CDK13: variants seen among roughly 807,000 people sequenced by gnomAD.
The protein encoded by CDK13 is cyclin dependent kinase 13, also known as cyclin-dependent kinase 13.
Under a neutral mutation model 137.6 loss-of-function variants are expected in CDK13, and 40 were observed. The ratio of observed to expected loss-of-function variants is 0.29; its 90% confidence interval spans 0.23 to 0.38. CDK13 has a LOEUF of 0.38. CDK13 is among the 10% of genes least tolerant of loss of function. The probability of loss-of-function intolerance (pLI) is 1.00; values close to 1 mark genes in which losing one functional copy is unlikely to be tolerated. For synonymous variants in CDK13, 869 were observed against 760.1 expected, an observed-to-expected ratio of 1.14 and a Z score of -2.36; for missense variants, 1,704 against 1,951.8, an observed-to-expected ratio of 0.87 and a Z score of 2.39.
chr7:40,056,168 C>T (rs1326850564), intron 7 of CDK13, among the ~76,000 whole-genome samples: 1 of 152,118 alleles, frequency 6.6e-6, no homozygotes, highest in Admixed American at 6.6e-5. Flanking sequence ...TTAAATACTT[C>T]TGTCTGCACA....
At position 40,095,053 on chromosome 7, in the gene CDK13, C is replaced by G; in HGVS notation, c.*73C>G. 1 of 1,223,398 alleles carries G rather than the reference C, an allele frequency of 8.2e-7. No homozygotes were observed. Among genetic ancestry groups the G allele is most frequent in the Non-Finnish European group, 1.1e-6 (1 of 933,910 alleles). The allele number at this position is 1,223,398 out of a possible 1,614,324, so 75.8% of individuals were successfully genotyped here. On this transcript the variant is annotated 3_prime_UTR_variant, in exon 14 of 14. Coordinates refer to ENST00000181839, the MANE Select transcript of CDK13 (RefSeq NM_003718.5). ...CTAGCTGCAATTTAAGGCAGCAATC[C>G]AAGAGACTTGAATAATAATAATTCA...
chr7:40,090,655 C>T lies in CDK13; in HGVS notation c.3236-2130C>T, dbSNP rs187439068. 1.2e-4 allele frequency among the ~76,000 whole-genome samples: 17 copies of T among 145,056 alleles called. No individual in the cohort carries two copies. In the East Asian group the frequency reaches 1.2e-3, roughly 10 times the overall value. On this transcript the variant is annotated intron_variant, in intron 12 of 13. Transcript: ENST00000181839. ...ATCCCAGCACTCTGGGAGGCCGGGG[C>T]GGGCTGTTTGCTTATGTTCGGGATT...
intron 1 of CDK13, among the ~76,000 whole-genome samples, chr7:39,970,142 T>C (rs1430544827): frequency 2.0e-5 from 3 of 151,720 alleles, no homozygotes; most frequent in Non-Finnish European, 4.4e-5. Flanking sequence ...GTGGCTGGGA[T>C]TATAGGCATG....
At chr7:40,084,455 G>T (rs917477876) in intron 11 of CDK13, among the ~76,000 whole-genome samples, 1 of 152,188 alleles carries the variant, frequency 6.6e-6, no homozygotes, top group Non-Finnish European at 1.5e-5. Context: ...TCCACCCTGG[G>T]TGACAAGAGT....
At chr7:40,029,464 G>T (rs377685016) in intron 5 of CDK13, among the ~76,000 whole-genome samples, 7 of 151,526 alleles carry the variant, frequency 4.6e-5, no homozygotes, top group Admixed American at 2.6e-4. Context: ...GCTCACCCCC[G>T]TAATCCCAGC....
rs1787150441 is a variant in CDK13 at position 39,950,979 on chromosome 7, A to G, written c.338A>G (p.Gln113Arg). Residue 113 changes from glutamine (Q) to arginine (R), a missense_variant, in exon 1 of 14, where the codon CAG (glutamine) becomes CGG (arginine). Physicochemically the swap from Gln to Arg is conservative, Grantham distance 43. Transcript: ENST00000181839. ...CGGCGTCGCGGGCCCCGCGCCGGGC[A>G]GGAGGCGGAGAAGCGTCGGGTCTTC... ...QKRRRGPRAG[Q>R]EAEKRRVFSL... 2.3e-6 allele frequency: 3 copies of G among 1,310,588 alleles called. No homozygotes were observed. Among genetic ancestry groups the G allele is most frequent in the African/African-American group, 1.5e-5 (1 of 64,652 alleles). 81.2% of individuals were successfully genotyped at this position (1,310,588 alleles called of 1,614,324 possible).
chr7:39,951,629 A>C lies in CDK13; in HGVS notation c.988A>C (p.Arg330=). 1 of 1,484,082 alleles carries C rather than the reference A, an allele frequency of 6.7e-7. No homozygotes were observed. The highest frequency in any genetic ancestry group is 8.9e-7 in the Non-Finnish European group (1 of 1,121,410). 91.9% of individuals were successfully genotyped at this position (1,484,082 alleles called of 1,614,324 possible). A position where few individuals can be genotyped will look rare whatever the true frequency, so the allele number is the denominator to read the frequency against. ...CCGGGACGACAGCCCGGTGTCCCAC[A>C]GGGCCTCTCAGAGCCTGAGGAGCCG... ...GGRDDSPVSH[R]ASQSLRSRKS... is the part of the protein sequence containing the mutation. The change falls in exon 1 of 14, where the codon AGG becomes CGG. Residue 330 remains arginine, a synonymous_variant. Coordinates refer to ENST00000181839, the MANE Select transcript of CDK13 (RefSeq NM_003718.5).
intron 9 of CDK13, among the ~76,000 whole-genome samples, chr7:40,073,918 T>TA (rs1292380513): frequency 6.8e-6 from 1 of 147,998 alleles, no homozygotes; most frequent in African/African-American, 2.5e-5. Flanking sequence ...TTTTTTTTTT[T>TA]AAGATAAAGT....
rs1787055858 is a variant in CDK13 at position 40,096,716 on chromosome 7, T to A, written c.*1736T>A. 1 of 152,178 alleles carries A rather than the reference T, an allele frequency of 6.6e-6. No homozygotes were observed. The allele number at this position is 152,178 out of a possible 1,614,324, so 9.4% of individuals were successfully genotyped here. On this transcript the variant is annotated 3_prime_UTR_variant, in exon 14 of 14. Coordinates refer to ENST00000181839, the MANE Select transcript of CDK13 (RefSeq NM_003718.5). ...GTATGTGGGAAGTCCTGTAGTTTGA[T>A]AAGAGTAAAATTATTTTAAAGAGGA...
intron 1 of CDK13, among the ~76,000 whole-genome samples, chr7:39,971,036 T>G (rs889424042): frequency 1.3e-5 from 2 of 152,176 alleles, no homozygotes; most frequent in African/African-American, 4.8e-5. Flanking sequence ...AAACTGAAAT[T>G]TTTTCCTTAA....
At chr7:40,003,575 A>G (rs1277015690) in intron 5 of CDK13, among the ~76,000 whole-genome samples, 2 of 152,166 alleles carry the variant, frequency 1.3e-5, no homozygotes, top group Non-Finnish European at 1.5e-5. Context: ...ATAAAAGGGA[A>G]ACATTGTCTT....
At chr7:39,953,149 T>A (rs1787291058) in intron 1 of CDK13, among the ~76,000 whole-genome samples, 1 of 152,224 alleles carries the variant, frequency 6.6e-6, no homozygotes, top group African/African-American at 2.4e-5. Flanking sequence ...AAAGGTGTGA[T>A]GTTTATAGAG....
At chr7:40,047,935 C>T in intron 7 of CDK13, 58 bp downstream of exon 7, 1 of 1,006,766 alleles carries the variant, frequency 9.9e-7, no homozygotes, top group Non-Finnish European at 1.6e-6. Flanking sequence ...AGAAGCTATA[C>T]TAAGAATACC....
At chr7:40,029,620 TGAGAGAGA>T (rs371626943) in intron 5 of CDK13, among the ~76,000 whole-genome samples, 76 of 145,900 alleles carry the variant, frequency 5.2e-4, no homozygotes, top group African/African-American at 1.8e-3. Context: ...CTCGGGAGGC[TGAGAGAGA>T]GAGAGAGAGA....
At chr7:40,017,619 G>C (rs927777122) in intron 5 of CDK13, among the ~76,000 whole-genome samples, 1 of 151,916 alleles carries the variant, frequency 6.6e-6, no homozygotes, top group African/African-American at 2.4e-5. Flanking sequence ...CTAAAATACA[G>C]ATATTAATGT....
intron 1 of CDK13, among the ~76,000 whole-genome samples, chr7:39,958,126 A>G (rs943126175): frequency 5.9e-5 from 9 of 152,202 alleles, no homozygotes; most frequent in Non-Finnish European, 1.5e-5. Flanking sequence ...AAATTGATGT[A>G]CATTAGAGGA....
intron 12 of CDK13, 111 bp from the exon 13 acceptor site, chr7:40,092,670 TTAAA>T: frequency 1.4e-6 from 1 of 703,758 alleles, no homozygotes. Context: ...ACAGTATTTC[TTAAA>T]TACTCTCCCT....
In CDK13 at chr7:40,007,612, G is replaced by C. The variant is rs559882967; in HGVS notation, c.2353+5581G>C. On this transcript the variant is annotated intron_variant, in intron 5 of 13. Coordinates refer to ENST00000181839, the MANE Select transcript of CDK13 (RefSeq NM_003718.5). Reference sequence around the variant, plus strand: ...AGCTAATTTTTTTCTATTTTTAGTAGAGACGGGGTTTCACCATGTTGGCCA... The same window carrying C: ...AGCTAATTTTTTTCTATTTTTAGTACAGACGGGGTTTCACCATGTTGGCCA... Among the ~76,000 whole-genome samples, 5 of 152,154 alleles carry C rather than the reference G, an allele frequency of 3.3e-5. No individual in the cohort carries two copies. In the South Asian group the frequency reaches 1.0e-3, roughly 32 times the overall value.
chr7:40,005,553 G>C (rs140970319), intron 5 of CDK13, among the ~76,000 whole-genome samples: 3 of 151,718 alleles, frequency 2.0e-5, no homozygotes, highest in African/African-American at 7.3e-5. Context: ...TGCCTTGGCC[G>C]CCCAAAGTGC....
Sources: allele counts gnomAD v4.1 joint callset (sites outside exome capture counted in the v4.1 genomes callset), GRCh38; gene constraint gnomAD v4.1.1; transcripts MANE v1.5; gene names NCBI Gene and HGNC (gene_info 2026-07-23, HGNC 2026-07-21).